RAMP1: variants seen among roughly 807,000 people sequenced by gnomAD.
The protein encoded by RAMP1 is receptor activity-modifying protein 1.
A neutral mutation model predicts 8.2 loss-of-function variants in RAMP1; 7 were observed. The ratio of observed to expected loss-of-function variants is 0.85; its 90% CI spans 0.49 to 1.60. The LOEUF is 1.60. RAMP1 is among the 40% of genes most tolerant of loss of function. RAMP1 has a pLI of 0.00. For synonymous variants in RAMP1, 92 were observed against 84.7 expected, an observed-to-expected ratio of 1.09 and a Z score of -0.47; for missense variants, 192 against 202.4, an observed-to-expected ratio of 0.95 and a Z score of 0.31.
chr2:237,887,633 G>T (rs573808707), intron 2 of RAMP1, among the ~76,000 whole-genome samples: 8 of 152,340 alleles, frequency 5.3e-5, no homozygotes, highest in Admixed American at 2.6e-4. Flanking sequence ...GCCATTTCCT[G>T]GTTTTTGCTA....
rs774524755 is a variant in RAMP1 at position 237,877,294 on chromosome 2, C to T, written c.123C>T (p.Leu41=). 8.7e-6 allele frequency: 14 copies of T among 1,613,968 alleles called. No individual in the cohort carries two copies. Among genetic ancestry groups the T allele is most frequent in the South Asian group, 7.7e-5 (7 of 91,090 alleles). ...NYGALLRELC[L]TQFQVDMEAV... ...GTGCCCTCCTCCGGGAGCTCTGCCT[C>T]ACCCAGTTCCAGGTAGACATGGAGG... The change falls in exon 2 of 3, where the codon CTC becomes CTT. Residue 41 remains leucine, a synonymous_variant. Transcript: ENST00000254661. The surrounding 1 kb of genome is among the most constrained non-coding windows in gnomAD (Gnocchi z 4.4).
At chr2:237,903,260 C>T (rs11675777) in intron 2 of RAMP1, among the ~76,000 whole-genome samples, 8,564 of 152,216 alleles carry the variant, frequency 0.056, 268 homozygotes, top group Non-Finnish European at 0.065. Context: ...TTTCTGTGAC[C>T]GCTGTCCTGT....
intron 2 of RAMP1, among the ~76,000 whole-genome samples, chr2:237,897,823 G>A (rs1380700005): frequency 6.6e-6 from 1 of 151,836 alleles, no homozygotes; most frequent in African/African-American, 2.4e-5. Context: ...TTTTGAGATG[G>A]GGTCTCGCTC....
chr2:237,907,093 C>T (rs2062660999), intron 2 of RAMP1, among the ~76,000 whole-genome samples: 1 of 152,206 alleles, frequency 6.6e-6, no homozygotes, highest in Non-Finnish European at 1.5e-5. Context: ...TTTCCCCTCC[C>T]CGCAACCTCT....
intron 2 of RAMP1, among the ~76,000 whole-genome samples, chr2:237,894,163 A>C (rs2151017335): frequency 6.6e-6 from 1 of 151,524 alleles, no homozygotes; most frequent in Non-Finnish European, 1.5e-5. Flanking sequence ...TAGAGACAGG[A>C]TTTCGCCATG....
chr2:237,898,246 C>T (rs1298259286), intron 2 of RAMP1, among the ~76,000 whole-genome samples: 1 of 152,194 alleles, frequency 6.6e-6, no homozygotes, highest in East Asian at 1.9e-4. Flanking sequence ...TCCTGTTTAA[C>T]ATATTCATTT....
intron 2 of RAMP1, among the ~76,000 whole-genome samples, chr2:237,910,964 CAGTG>C (rs2062706400): frequency 6.6e-6 from 1 of 151,992 alleles, no homozygotes; most frequent in Non-Finnish European, 1.5e-5. Flanking sequence ...GAGTCACACA[CAGTG>C]AATAATAGTC....
At position 237,911,772 on chromosome 2, in the gene RAMP1, G is replaced by T. The variant is rs757974558; in HGVS notation, c.436G>T (p.Gly146Cys). 1 of 1,608,566 alleles carries T rather than the reference G, an allele frequency of 6.2e-7. No homozygotes were observed. The highest frequency in any genetic ancestry group is 8.5e-7 in the Non-Finnish European group (1 of 1,177,506). The change falls in exon 3 of 3, where the codon GGC becomes TGC. Residue 146 changes from glycine (G) to cysteine (C), a missense_variant. Physicochemically the swap from Gly to Cys is radical, Grantham distance 159 (BLOSUM62 -3). Transcript: ENST00000254661. ...GGTCTGGCAGAGCAAGCGCACTGAG[G>T]GCATTGTGTAGGCGGGGCCCAGGCT... Reference protein sequence around the residue: ...LVVWQSKRTEGIV With the variant: ...LVVWQSKRTECIV
At chr2:237,897,913 C>T (rs945387732) in intron 2 of RAMP1, among the ~76,000 whole-genome samples, 13 of 152,170 alleles carry the variant, frequency 8.5e-5, no homozygotes, top group Admixed American at 5.9e-4. Flanking sequence ...ATTCTCCTGC[C>T]TCAGCCTCCT....
rs372540157 is a variant in RAMP1 at position 237,877,193 on chromosome 2, C to T, written c.53-31C>T. On this transcript the variant is annotated intron_variant, in intron 1 of 2. Coordinates refer to ENST00000254661, the MANE Select transcript of RAMP1 (RefSeq NM_005855.4). This position sits in a 1 kb window ranked among gnomAD's most constrained non-coding sequence, Gnocchi z 4.4. ...ATACCCCTAGGCCTCTGCTGCCGCCCGCCATCTCTTCATGGCCGTGTCTAT... is the reference window on the plus strand; with the variant it reads ...ATACCCCTAGGCCTCTGCTGCCGCCTGCCATCTCTTCATGGCCGTGTCTAT... 25 of 1,612,738 alleles carry T rather than the reference C, an allele frequency of 1.6e-5. No homozygotes were observed. The highest frequency in any genetic ancestry group is 9.3e-5 in the African/African-American group (7 of 74,904).
rs1553738953 is a variant in RAMP1 at position 237,897,777 on chromosome 2, T to TTG, written c.192-13751_192-13750insTG. On this transcript the variant is annotated intron_variant, in intron 2 of 2. Transcript: ENST00000254661. ...TCTTTTTTTGTTTGTTTTGGTTTTT[T>TTG]GGGGGGGGGTTTTGTTTTTTGTTTG... is the stretch of plus-strand genomic sequence containing the variant. 7.5e-4 allele frequency among the ~76,000 whole-genome samples: 106 copies of TTG among 140,866 alleles called. 1 individual carries two copies. Among genetic ancestry groups the TTG allele is most frequent in the Non-Finnish European group, 9.0e-4 (58 of 64,124 alleles). The allele number at this position is 140,866 out of a possible 152,430, so 92.4% of individuals were successfully genotyped here.
chr2:237,884,323 G>A (rs1322910771), intron 2 of RAMP1, among the ~76,000 whole-genome samples: 1 of 152,136 alleles, frequency 6.6e-6, no homozygotes, highest in African/African-American at 2.4e-5. Flanking sequence ...GTGATTTAAT[G>A]TATTAACTGG....
chr2:237,911,134 A>G (rs943589116), intron 2 of RAMP1, among the ~76,000 whole-genome samples: 1 of 152,258 alleles, frequency 6.6e-6, no homozygotes, highest in African/African-American at 2.4e-5. Context: ...ACAGTCACAT[A>G]CAGAATAACA....
At chr2:237,866,878 G>A (rs1443939078) in intron 1 of RAMP1, among the ~76,000 whole-genome samples, 8 of 151,904 alleles carry the variant, frequency 5.3e-5, no homozygotes, top group African/African-American at 1.5e-4. Context: ...ATAGGTGCCC[G>A]CTACCATGCC....
rs114810642 is a variant in RAMP1, at chr2:237,865,465, T to C, written c.52+5738T>C. Among the ~76,000 whole-genome samples, 146 of 152,112 alleles carry C rather than the reference T, an allele frequency of 9.6e-4. No individual in the cohort carries two copies. The highest frequency in any genetic ancestry group is 3.3e-3 in the African/African-American group (138 of 41,480). On this transcript the variant is annotated intron_variant, in intron 1 of 2. Transcript: ENST00000254661. The surrounding 1 kb of genome is among the most constrained non-coding windows in gnomAD (Gnocchi z 4.2). ...TTCAGATAAACAAGAAGCATAAGCC[T>C]GTCTCATACAGTATCGGGAACATGC...
chr2:237,898,494 G>T (rs938031144), intron 2 of RAMP1, among the ~76,000 whole-genome samples: 1 of 152,208 alleles, frequency 6.6e-6, no homozygotes, highest in Non-Finnish European at 1.5e-5. Context: ...TCACCCGTAG[G>T]AGTTCCAGGT....
chr2:237,881,466 G>A (rs1417989832), intron 2 of RAMP1, among the ~76,000 whole-genome samples: 3 of 152,224 alleles, frequency 2.0e-5, no homozygotes, highest in Non-Finnish European at 4.4e-5. Context: ...AGGACCAAAG[G>A]TGAGAGCAGG....
At chr2:237,894,472 A>G (rs1310517072) in intron 2 of RAMP1, among the ~76,000 whole-genome samples, 1 of 152,160 alleles carries the variant, frequency 6.6e-6, no homozygotes, top group Non-Finnish European at 1.5e-5. Context: ...CTGGCTGTGG[A>G]AGGGCCCTTT....
chr2:237,911,636 C>T lies in RAMP1; in HGVS notation c.300C>T (p.Tyr100=). The stretch of plus-strand genomic sequence containing the variant: ...TCTTCCTGGCAGTGCATGGCCGCTA[C>T]TTCAGGAGCTGCCCCATCTCAGGCA... ...DRFFLAVHGR[Y]FRSCPISGRA... Residue 100 remains tyrosine, a synonymous_variant, in exon 3 of 3, where the codon TAC becomes TAT. Transcript: ENST00000254661. The T allele has an allele frequency of 6.2e-7, 1 of 1,614,136 alleles. No individual in the cohort carries two copies. Among genetic ancestry groups the T allele is most frequent in the Non-Finnish European group, 8.5e-7 (1 of 1,180,020 alleles).
Sources: gnomAD v4.1 joint callset for allele counts (sites outside exome capture counted in the v4.1 genomes callset) on GRCh38, gnomAD v4.1.1 for gene constraint, Gnocchi (gnomAD v3.1) non-coding constraint, MANE v1.5 for transcripts, NCBI Gene and HGNC (gene_info 2026-07-23, HGNC 2026-07-21) for gene names.